The following KLHL11 variants were observed in gnomAD, a reference collection of about 807,000 sequenced individuals.
KLHL11 encodes the protein kelch like family member 11.
KLHL11 carries 26 observed loss-of-function variants against 56.1 expected under a neutral mutation model. The observed-to-expected ratio is 0.46, with a 90% confidence interval of 0.34 to 0.64. KLHL11 has a LOEUF of 0.64. Among genes scored for constraint, KLHL11 ranks in the 30% least tolerant of loss-of-function variants. The pLI is 0.01. For missense variants in KLHL11, 627 were observed against 919.4 expected, an observed-to-expected ratio of 0.68 and a Z score of 4.11; for synonymous variants, 338 against 345.8, an observed-to-expected ratio of 0.98 and a Z score of 0.25.
At position 41,852,015 on chromosome 17, in the gene KLHL11, C is replaced by A. The variant is rs7216461; in HGVS notation, c.*1725G>T. 0.76 allele frequency among the ~76,000 whole-genome samples: 115,265 copies of A among 151,972 alleles called. 43,963 individuals carry two copies. The highest frequency in any genetic ancestry group is 0.85 in the Admixed American group (12,887 of 15,240). On this transcript the variant is annotated 3_prime_UTR_variant, in exon 2 of 2. Coordinates refer to ENST00000319121, the MANE Select transcript of KLHL11 (RefSeq NM_018143.3). ...TATAAAACTAAATAAAAGATAGCTT[C>A]AGTGATCTTTTTAATTTTTATTTGA...
chr17:41,861,771 G>T (rs1567875436), intron 1 of KLHL11, among the ~76,000 whole-genome samples: 1 of 149,034 alleles, frequency 6.7e-6, no homozygotes. Flanking sequence ...CTTCCATCCC[G>T]ACAGTTCCCT....
Position 41,865,183 on chromosome 17 carries a change from T to A in KLHL11, c.188A>T (p.Asp63Val). The change falls in exon 1 of 2, where the codon GAT becomes GTT. Residue 63 changes from aspartate (D) to valine (V), a missense_variant. Physicochemically the swap from Asp to Val is radical, Grantham distance 152. Coordinates refer to ENST00000319121, the MANE Select transcript of KLHL11 (RefSeq NM_018143.3). ...GAAATCCTCGGCTTCTGGGCCCGGA[T>A]CGCCCCCGCTCGCCTCCATTGCAGA... Reference protein sequence around the residue: ...GISAMEASGGDPGPEAEDFEC... With the variant: ...GISAMEASGGVPGPEAEDFEC... 6.2e-7 allele frequency: 1 copy of A among 1,609,052 alleles called. No individual in the cohort carries two copies. The highest frequency in any genetic ancestry group is 8.5e-7 in the Non-Finnish European group (1 of 1,178,528).
chr17:41,865,399 G>T lies in KLHL11; in HGVS notation c.-29C>A. On this transcript the variant is annotated 5_prime_UTR_variant, in exon 1 of 2. In the 5' UTR this introduces an upstream ATG that the reference lacks. Coordinates refer to ENST00000319121, the MANE Select transcript of KLHL11 (RefSeq NM_018143.3). ...GACGCCGCTGCGCCCGGCCTCCACA[G>T]CCTCGGAACGATGCGGCTGTTGGTA... 2 of 1,292,270 alleles carry T rather than the reference G, an allele frequency of 1.5e-6. No homozygotes were observed. Among genetic ancestry groups the T allele is most frequent in the Non-Finnish European group, 2.0e-6 (2 of 986,128 alleles). The allele number at this position is 1,292,270 out of a possible 1,614,324, so 80.1% of individuals were successfully genotyped here.
chr17:41,861,437 C>A (rs988826089), intron 1 of KLHL11, among the ~76,000 whole-genome samples: 1 of 152,052 alleles, frequency 6.6e-6, no homozygotes, highest in East Asian at 1.9e-4. Flanking sequence ...CGGTGGCTCA[C>A]GCCTGTAATC....
At chr17:41,861,771 G>A (rs1567875436) in intron 1 of KLHL11, among the ~76,000 whole-genome samples, 1 of 149,034 alleles carries the variant, frequency 6.7e-6, no homozygotes, top group Admixed American at 6.7e-5. Flanking sequence ...CTTCCATCCC[G>A]ACAGTTCCCT....
rs2048342530 is a variant in KLHL11 at position 41,853,351 on chromosome 17, A to G, written c.*389T>C. Reference sequence around the variant, plus strand: ...CTTGCCAAAACCAATCATTTAATAAAAAATGAAAAAGAATATCAAAGTAAA... The same window carrying G: ...CTTGCCAAAACCAATCATTTAATAAGAAATGAAAAAGAATATCAAAGTAAA... On this transcript the variant is annotated 3_prime_UTR_variant, in exon 2 of 2. Transcript: ENST00000319121. Among the ~76,000 whole-genome samples the G allele has an allele frequency of 6.6e-6, 1 of 152,264 alleles. No homozygotes were observed. The highest frequency in any genetic ancestry group is 2.1e-4 in the South Asian group (1 of 4,834).
rs1567873151 is a variant in KLHL11 at position 41,854,183 on chromosome 17, C to T, written c.1684G>A (p.Ala562Thr). 6.2e-7 allele frequency: 1 copy of T among 1,614,078 alleles called. No individual in the cohort carries two copies. The highest frequency in any genetic ancestry group is 8.5e-7 in the Non-Finnish European group (1 of 1,179,962). ...CAATAACTCTTGGGACAACATGATGCTGTCTGATAAAAGTTTGAATTGACC... is the reference window on the plus strand; with the variant it reads ...CAATAACTCTTGGGACAACATGATGTTGTCTGATAAAAGTTTGAATTGACC... Reference protein sequence around the residue: ...SVVNSNFYQTASCCPKSYCLE... With the variant: ...SVVNSNFYQTTSCCPKSYCLE... The change falls in exon 2 of 2, where the codon GCA (alanine) becomes ACA (threonine). Residue 562 changes from alanine (A) to threonine (T), a missense_variant. Transcript: ENST00000319121. This position sits in a 1 kb window ranked among gnomAD's most constrained non-coding sequence, Gnocchi z 4.9.
In KLHL11 at chr17:41,850,797, T is replaced by C. The variant is rs1307119162; in HGVS notation, c.*2943A>G. On this transcript the variant is annotated 3_prime_UTR_variant, in exon 2 of 2. Transcript: ENST00000319121. ...GACAATATAATAATATATCCTTATA[T>C]GTAGAAATAGACTTGCAGTTTCTCA... The C allele has an allele frequency of 6.6e-6, 1 of 152,202 alleles. No homozygotes were observed. The highest frequency in any genetic ancestry group is 2.4e-5 in the African/African-American group (1 of 41,444). The allele number at this position is 152,202 out of a possible 1,614,324, so 9.4% of individuals were successfully genotyped here. A position where few individuals can be genotyped will look rare whatever the true frequency, so the allele number is the denominator to read the frequency against.
At position 41,849,775 on chromosome 17, in the gene KLHL11, G is replaced by C. The variant is rs1481146989; in HGVS notation, c.*3965C>G. On this transcript the variant is annotated 3_prime_UTR_variant, in exon 2 of 2. Coordinates refer to ENST00000319121, the MANE Select transcript of KLHL11 (RefSeq NM_018143.3). ...GTGGGATGTGTTACTTAAACACTAA[G>C]CTCATGACTGACATTCTCAATATAT... 8 of 152,112 alleles carry C rather than the reference G, an allele frequency of 5.3e-5. No individual in the cohort carries two copies. Among genetic ancestry groups the C allele is most frequent in the African/African-American group, 1.9e-4 (8 of 41,434 alleles). The allele number at this position is 152,112 out of a possible 1,614,324, so 9.4% of individuals were successfully genotyped here.
chr17:41,853,906 G>T lies in KLHL11; in HGVS notation c.1961C>A (p.Ala654Asp). 6.2e-7 allele frequency: 1 copy of T among 1,614,146 alleles called. No individual in the cohort carries two copies. Among genetic ancestry groups the T allele is most frequent in the South Asian group, 1.1e-5 (1 of 91,084 alleles). The change falls in exon 2 of 2, where the codon GCC becomes GAC. Residue 654 changes from alanine to aspartate, a missense_variant. This residue lies in a region of KLHL11 where 250 missense variants were observed against 360.6 expected (regional missense o/e 0.69). Coordinates refer to ENST00000319121, the MANE Select transcript of KLHL11 (RefSeq NM_018143.3). ...LPPMPQPRCR[A>D]TACHVRIPYR... is the part of the protein sequence containing the mutation. ...TGGGATCCTCACGTGACAAGCAGTG[G>T]CTCTACAACGAGGTTGTGGCATAGG...
chr17:41,858,403 TA>T (rs1555622750), intron 1 of KLHL11, among the ~76,000 whole-genome samples: 4 of 75,506 alleles, frequency 5.3e-5, no homozygotes, highest in African/African-American at 1.9e-4. Context: ...TATATATATA[TA>T]TTTTTTGTTG....
chr17:41,862,823 C>T (rs1360093885), intron 1 of KLHL11, among the ~76,000 whole-genome samples: 1 of 152,128 alleles, frequency 6.6e-6, no homozygotes, highest in Non-Finnish European at 1.5e-5. Context: ...ACCATTTATA[C>T]GGTAATTTTC....
At chr17:41,855,350 A>T in intron 1 of KLHL11, 29 bp from the exon 2 acceptor site, 1 of 1,474,230 alleles carries the variant, frequency 6.8e-7, no homozygotes, top group South Asian at 1.2e-5. Context: ...GAAAAGATTA[A>T]TTTTTCAAAT....
rs782345055 is a variant in KLHL11 at position 41,854,964 on chromosome 17, G to A, written c.903C>T (p.Tyr301=). The A allele has an allele frequency of 1.2e-6, 2 of 1,614,170 alleles. No individual in the cohort carries two copies. Among genetic ancestry groups the A allele is most frequent in the Admixed American group, 3.3e-5 (2 of 60,028 alleles). The part of the protein sequence containing the change: ...LLRLSQMKPT[Y]LTRHVKPERL... ...TCTCTGGTTTGACATGTCGAGTAAG[G>A]TAGGTAGGTTTCATCTGGGACAACC... The change falls in exon 2 of 2, where the codon TAC becomes TAT. Residue 301 remains tyrosine (Y), a synonymous_variant. Coordinates refer to ENST00000319121, the MANE Select transcript of KLHL11 (RefSeq NM_018143.3). The surrounding 1 kb of genome is among the most constrained non-coding windows in gnomAD (Gnocchi z 4.9).
At position 41,853,707 on chromosome 17, in the gene KLHL11, T is replaced by G. The variant is rs782529514; in HGVS notation, c.*33A>C. 3 of 1,572,086 alleles carry G rather than the reference T, an allele frequency of 1.9e-6. No homozygotes were observed. In the South Asian group the frequency reaches 3.5e-5, roughly 19 times the overall value. On this transcript the variant is annotated 3_prime_UTR_variant, in exon 2 of 2. Coordinates refer to ENST00000319121, the MANE Select transcript of KLHL11 (RefSeq NM_018143.3). Reference sequence around the variant, plus strand: ...GGTATCTTCAGCTTCACGAAACGGGTGTAACAGTTTTAATCGGCACGCTTG... The same window carrying G: ...GGTATCTTCAGCTTCACGAAACGGGGGTAACAGTTTTAATCGGCACGCTTG...
In KLHL11 at chr17:41,852,674, C is replaced by A. The variant is rs2048338708; in HGVS notation, c.*1066G>T. Among the ~76,000 whole-genome samples, 1 of 151,414 alleles carries A rather than the reference C, an allele frequency of 6.6e-6. No individual in the cohort carries two copies. Among genetic ancestry groups the A allele is most frequent in the Non-Finnish European group, 1.5e-5 (1 of 67,890 alleles). On this transcript the variant is annotated 3_prime_UTR_variant, in exon 2 of 2. Transcript: ENST00000319121. ...GGCGTGATGGTGGGTACCTGTAATCCCAGCTACTCGGGATGCTGAGGCAAG... is the reference window on the plus strand; with the variant it reads ...GGCGTGATGGTGGGTACCTGTAATCACAGCTACTCGGGATGCTGAGGCAAG...
At chr17:41,858,795 A>T (rs1466779145) in intron 1 of KLHL11, among the ~76,000 whole-genome samples, 1 of 151,684 alleles carries the variant, frequency 6.6e-6, no homozygotes, top group Non-Finnish European at 1.5e-5. Context: ...TGTTGGCCAG[A>T]CTGGTCTTAA....
chr17:41,855,723 G>A (rs2048360709), intron 1 of KLHL11, among the ~76,000 whole-genome samples: 3 of 147,536 alleles, frequency 2.0e-5, no homozygotes, highest in Admixed American at 6.9e-5. Context: ...CCAGGCTGGT[G>A]TGCAGTGGCA....
At chr17:41,859,017 T>G (rs1230514344) in intron 1 of KLHL11, among the ~76,000 whole-genome samples, 1 of 152,152 alleles carries the variant, frequency 6.6e-6, no homozygotes, top group East Asian at 1.9e-4. Context: ...GGCTTTCTGC[T>G]AGAGGTTTTA....
Sources: gnomAD v4.1 joint callset for allele counts (sites outside exome capture counted in the v4.1 genomes callset) on GRCh38, gnomAD v4.1.1 for gene constraint, gnomAD v4.1.1 regional missense constraint, Gnocchi (gnomAD v3.1) non-coding constraint, MANE v1.5 for transcripts, NCBI Gene and HGNC (gene_info 2026-07-23, HGNC 2026-07-21) for gene names.